Variants in DNAH12 observed in about 807,000 individuals in gnomAD.
DNAH12 encodes axonemal beta dynein heavy chain 12.
DNAH12 carries 285 observed loss-of-function variants against 371.5 expected under a neutral mutation model. That is an observed-to-expected ratio of 0.77 (90% confidence interval 0.70 to 0.85). DNAH12 has a LOEUF of 0.85. Among genes scored for constraint, DNAH12 ranks in the 40% least tolerant of loss-of-function variants. The pLI is 0.00. For synonymous variants in DNAH12, 1,200 were observed against 1,213.0 expected (o/e 0.99, Z 0.22); for missense variants, 3,611 against 3,689.4 (o/e 0.98, Z 0.55).
At chr3:57,301,100 G>C (rs2061334504) in intron 70 of DNAH12, among the ~76,000 whole-genome samples, 1 of 151,708 alleles carries the variant, frequency 6.6e-6, no homozygotes, top group African/African-American at 2.4e-5. Flanking sequence ...CACCAGCGTG[G>C]GGTACTTGGT....
At chr3:57,454,627 T>C in intron 23 of DNAH12, 148 bp downstream of exon 23, 1 of 1,037,424 alleles carries the variant, frequency 9.6e-7, no homozygotes, top group Non-Finnish European at 1.4e-6. Flanking sequence ...CCTAATACTT[T>C]GGGAGGTTGA....
chr3:57,301,887 C>G lies in DNAH12; in HGVS notation c.11242G>C (p.Gly3748Arg), dbSNP rs1221847218. The change falls in exon 70 of 74, where the codon GGT becomes CGT. Residue 3748 changes from glycine (G) to arginine (R), a missense_variant. By Grantham distance (125) the Gly-to-Arg change is moderately radical. Around this residue, in one of 3 missense-constraint regions of DNAH12, gnomAD observed 2,266 missense variants for 2,236.9 expected, o/e 1.01. Coordinates refer to ENST00000495027, the MANE Select transcript of DNAH12 (RefSeq NM_001366028.2). ...AATGCAGAATCCATCACAACCACAC[C>G]CTTAATAGCTTTTTCAAGGTCCCGT... ...TLRDLEKAIK[G>R]VVVMDSALEA... 1 of 1,551,526 alleles carries G rather than the reference C, an allele frequency of 6.4e-7. No individual in the cohort carries two copies. Among genetic ancestry groups the G allele is most frequent in the Non-Finnish European group, 8.7e-7 (1 of 1,146,964 alleles).
intron 13 of DNAH12, among the ~76,000 whole-genome samples, chr3:57,475,880 T>C (rs1054542981): frequency 6.6e-6 from 1 of 152,136 alleles, no homozygotes; most frequent in Non-Finnish European, 1.5e-5. Flanking sequence ...CCTTAATTAG[T>C]AAAGGTGAAT....
chr3:57,553,508 T>C, the DNAH12 span, among the ~76,000 whole-genome samples: 21,084 of 152,178 alleles, frequency 0.14, 1,558 homozygotes, highest in South Asian at 0.21. Flanking sequence ...AGGGCCATAC[T>C]GCACTCAGCT....
intron 43 of DNAH12, chr3:57,402,578 C>T: frequency 1.6e-6 from 1 of 625,198 alleles, no homozygotes; most frequent in South Asian, 1.9e-5. Context: ...TGGCACAAGC[C>T]AGGTACAGAA....
chr3:57,474,674 T>C (rs1315639225), intron 13 of DNAH12, among the ~76,000 whole-genome samples: 3 of 151,242 alleles, frequency 2.0e-5, no homozygotes, highest in Non-Finnish European at 4.4e-5. Context: ...AAAAATAAAT[T>C]TTGGTCGAGC....
intron 19 of DNAH12, among the ~76,000 whole-genome samples, chr3:57,461,277 A>G (rs961734737): frequency 1.5e-4 from 23 of 152,178 alleles, no homozygotes. Context: ...TTTCTTTTAA[A>G]AATCATTTAT....
chr3:57,423,285 T>C (rs2064651437), intron 35 of DNAH12, among the ~76,000 whole-genome samples: 1 of 152,164 alleles, frequency 6.6e-6, no homozygotes, highest in Admixed American at 6.5e-5. Context: ...AACTTGAAGG[T>C]TATATAGGTA....
chr3:57,441,145 A>G (rs963131142), intron 29 of DNAH12, among the ~76,000 whole-genome samples: 2 of 152,238 alleles, frequency 1.3e-5, no homozygotes, highest in African/African-American at 4.8e-5. Flanking sequence ...AAAGTATAAA[A>G]AGAATAGATT....
At chr3:57,459,221 T>A (rs1415090043) in intron 20 of DNAH12, among the ~76,000 whole-genome samples, 2 of 152,120 alleles carry the variant, frequency 1.3e-5, no homozygotes, top group Admixed American at 1.3e-4. Flanking sequence ...GAATGTCAGG[T>A]GAGTCACCTA....
At chr3:57,532,450 G>A (rs1427745308) in intron 2 of DNAH12, among the ~76,000 whole-genome samples, 2 of 151,998 alleles carry the variant, frequency 1.3e-5, no homozygotes, top group African/African-American at 4.8e-5. Context: ...TGCAGTCTTC[G>A]CAGTCTGGGC....
chr3:57,482,900 C>T (rs1246836340), intron 13 of DNAH12, among the ~76,000 whole-genome samples: 1 of 124,012 alleles, frequency 8.1e-6, no homozygotes, highest in African/African-American at 3.3e-5. Context: ...GGAAGGGGAA[C>T]ATCACACACC....
intron 4 of DNAH12, among the ~76,000 whole-genome samples, chr3:57,513,919 T>C (rs2068088489): frequency 2.0e-5 from 3 of 152,092 alleles, no homozygotes; most frequent in Admixed American, 2.0e-4. Flanking sequence ...CTTAGAGAAA[T>C]TAAAACAATA....
intron 50 of DNAH12, among the ~76,000 whole-genome samples, chr3:57,381,333 C>CA (rs1435422692): frequency 0.13 from 18,316 of 139,686 alleles, 1,581 homozygotes; most frequent in East Asian, 0.52. Context: ...ACAGAATGGC[C>CA]AAAAAAAAAA....
intron 43 of DNAH12, among the ~76,000 whole-genome samples, chr3:57,399,136 G>C (rs947822593): frequency 9.2e-4 from 140 of 152,152 alleles, no homozygotes; most frequent in Middle Eastern, 3.4e-3. Flanking sequence ...GTTTTATGTA[G>C]TAGTAATGGT....
chr3:57,435,373 C>CAAAAAAAAAAAAAAAAAAAAAA (rs34515598), intron 30 of DNAH12, among the ~76,000 whole-genome samples: 17 of 94,736 alleles, frequency 1.8e-4, no homozygotes, highest in Admixed American at 5.5e-4. Flanking sequence ...CTCTGTCTCC[C>CAAAAAAAAAAAAAAAAAAAAAA]AAAAAAAAAA....
chr3:57,455,000 A>G (rs1175395930), intron 22 of DNAH12, 106 bp from the exon 23 acceptor site: 2 of 1,278,024 alleles, frequency 1.6e-6, no homozygotes, highest in African/African-American at 1.5e-5. Context: ...ATAGGCTAGA[A>G]TGTCATATAG....
intron 25 of DNAH12, 52 bp from the exon 26 acceptor site, chr3:57,446,741 C>A (rs2065512917): frequency 2.9e-6 from 4 of 1,387,506 alleles, no homozygotes; most frequent in South Asian, 1.9e-5. Context: ...TTTAAAAAAA[C>A]AACAGACACT....
In DNAH12 at chr3:57,389,239, A is replaced by AAC. The variant is rs1475172822; in HGVS notation, c.7306-2021_7306-2020insGT. On this transcript the variant is annotated intron_variant, in intron 45 of 73. Transcript: ENST00000495027. ...AAAAAGCAGGTCCACAGGAAAAAAA[A>AAC]AAAACATTACAGAGGCTTATATTTA... is the stretch of plus-strand genomic sequence containing the variant. Among the ~76,000 whole-genome samples, 5 of 151,920 alleles carry AAC rather than the reference A, an allele frequency of 3.3e-5. No individual in the cohort carries two copies. The East Asian group carries it at 7.7e-4, about 24-fold the overall frequency.
Sources: gnomAD v4.1 joint callset for allele counts (sites outside exome capture counted in the v4.1 genomes callset) on GRCh38, gnomAD v4.1.1 for gene constraint, gnomAD v4.1.1 regional missense constraint, MANE v1.5 for transcripts, NCBI Gene and HGNC (gene_info 2026-07-23, HGNC 2026-07-21) for gene names.